Variants in CACNA2D1 observed in about 807,000 individuals in gnomAD.
The protein encoded by CACNA2D1 is voltage-dependent calcium channel subunit alpha-2/delta-1.
CACNA2D1 carries 53 observed loss-of-function variants against 171.5 expected under a neutral mutation model. That is an observed-to-expected ratio of 0.31 (90% CI 0.25 to 0.39). The LOEUF (loss-of-function observed/expected upper bound fraction) is 0.39. Among genes scored for constraint, CACNA2D1 ranks in the 10% least tolerant of loss-of-function variants. The pLI is 1.00. For missense variants in CACNA2D1, 903 were observed against 1,299.8 expected (o/e 0.69, Z 4.69); for synonymous variants, 442 against 443.1 (o/e 1.00, Z 0.03).
Position 82,339,401 on chromosome 7 carries a change from A to T in CACNA2D1, c.178-4150T>A, listed in dbSNP as rs188828013. The stretch of plus-strand genomic sequence containing the variant: ...AAATTGTCTTGGACAAGCAATCAAG[A>T]TTTCTGCCATATCCACAGCCATCTT... On this transcript the variant is annotated intron_variant, in intron 2 of 38. Transcript: ENST00000356860. Among the ~76,000 whole-genome samples, 92 of 152,278 alleles carry T rather than the reference A, an allele frequency of 6.0e-4. 1 individual carries two copies. The South Asian group carries it at 8.1e-3, about 13-fold the overall frequency.
intron 1 of CACNA2D1, among the ~76,000 whole-genome samples, chr7:82,431,680 C>T (rs1049225622): frequency 6.6e-6 from 1 of 152,038 alleles, no homozygotes; most frequent in Non-Finnish European, 1.5e-5. Flanking sequence ...AACTTGTTCC[C>T]GCATTTACAA....
intron 3 of CACNA2D1, among the ~76,000 whole-genome samples, chr7:82,202,032 A>T (rs1490382070): frequency 2.0e-5 from 3 of 152,188 alleles, no homozygotes; most frequent in African/African-American, 7.2e-5. Flanking sequence ...TGAGGCAGAC[A>T]TCTGATCCAG....
intron 3 of CACNA2D1, among the ~76,000 whole-genome samples, chr7:82,274,788 G>T (rs1340076208): frequency 6.6e-6 from 1 of 151,994 alleles, no homozygotes; most frequent in Non-Finnish European, 1.5e-5. Context: ...GTTGGTTCTA[G>T]CTCCTAAATC....
chr7:81,954,006 A>G (rs996942510), intron 38 of CACNA2D1, among the ~76,000 whole-genome samples: 2 of 152,130 alleles, frequency 1.3e-5, no homozygotes, highest in Non-Finnish European at 2.9e-5. Context: ...GTTCACACTG[A>G]AAAATGTGTC....
intron 12 of CACNA2D1, among the ~76,000 whole-genome samples, chr7:82,027,395 T>G (rs940480285): frequency 6.6e-6 from 1 of 151,852 alleles, no homozygotes; most frequent in East Asian, 1.9e-4. Flanking sequence ...GGGACAGCAA[T>G]GTTTCCAGAA....
At position 81,995,036 on chromosome 7, in the gene CACNA2D1, T is replaced by C. The variant is rs1797898014; in HGVS notation, c.1663-97A>G. On this transcript the variant is annotated intron_variant, in intron 19 of 38. Coordinates refer to ENST00000356860, the MANE Select transcript of CACNA2D1 (RefSeq NM_000722.4). ...GTAGTTTTTCAAGTTCTTTACCTTA[T>C]TTAGAACAAATAAAATAAAAATAGG... 4 of 672,134 alleles carry C rather than the reference T, an allele frequency of 6.0e-6. No individual in the cohort carries two copies. The South Asian group carries it at 7.3e-5, about 12-fold the overall frequency. 41.6% of individuals were successfully genotyped at this position (672,134 alleles called of 1,614,324 possible).
At chr7:81,968,295 T>C (rs1029474364) in intron 29 of CACNA2D1, among the ~76,000 whole-genome samples, 4 of 151,420 alleles carry the variant, frequency 2.6e-5, no homozygotes, top group South Asian at 2.1e-4. Flanking sequence ...TTTTACTTTA[T>C]TGTATTCACT....
intron 3 of CACNA2D1, among the ~76,000 whole-genome samples, chr7:82,307,498 T>C (rs1813890031): frequency 6.7e-6 from 1 of 150,246 alleles, no homozygotes; most frequent in Non-Finnish European, 1.5e-5. Flanking sequence ...AATTTATAAA[T>C]TTATAATTCT....
intron 6 of CACNA2D1, among the ~76,000 whole-genome samples, chr7:82,096,882 T>G (rs1168064186): frequency 6.6e-6 from 1 of 152,060 alleles, no homozygotes; most frequent in Non-Finnish European, 1.5e-5. Flanking sequence ...AAATAAGTTG[T>G]GATCACTATT....
chr7:82,443,782 C>A, upstream of CACNA2D1: 1 of 1,022,572 alleles, frequency 9.8e-7, no homozygotes, highest in South Asian at 4.9e-5. Context: ...CTCGCTCTCC[C>A]TCTCGGTTTC....
intron 3 of CACNA2D1, among the ~76,000 whole-genome samples, chr7:82,252,152 T>C (rs867849096): frequency 5.3e-5 from 8 of 152,186 alleles, no homozygotes; most frequent in South Asian, 2.1e-4. Flanking sequence ...AGGGGCAAAA[T>C]AGAAACTAAA....
chr7:82,412,256 G>A (rs1466898099), intron 1 of CACNA2D1, among the ~76,000 whole-genome samples: 1 of 147,264 alleles, frequency 6.8e-6, no homozygotes, highest in Admixed American at 6.8e-5. Flanking sequence ...TTGTAACTGT[G>A]TTCAAAGCTA....
chr7:82,098,200 T>C (rs544190573), intron 6 of CACNA2D1, among the ~76,000 whole-genome samples: 1 of 152,174 alleles, frequency 6.6e-6, no homozygotes, highest in South Asian at 2.1e-4. Flanking sequence ...GGAAGCAATG[T>C]AGACCCAACT....
chr7:82,015,736 G>A (rs562175551), intron 12 of CACNA2D1, among the ~76,000 whole-genome samples: 5 of 152,190 alleles, frequency 3.3e-5, no homozygotes, highest in Admixed American at 6.5e-5. Flanking sequence ...CTATTTGAAT[G>A]GACATTTTCT....
At chr7:82,090,769 A>G (rs1811059934) in intron 6 of CACNA2D1, among the ~76,000 whole-genome samples, 2 of 152,166 alleles carry the variant, frequency 1.3e-5, no homozygotes, top group South Asian at 4.1e-4. Context: ...TACCTCCTCC[A>G]CACCTTTAAT....
chr7:82,297,902 T>C (rs1387462571), intron 3 of CACNA2D1, among the ~76,000 whole-genome samples: 3 of 152,130 alleles, frequency 2.0e-5, no homozygotes, highest in African/African-American at 7.2e-5. Context: ...GTAATACGGA[T>C]ATATAAGAAG....
chr7:81,976,019 T>TGAACAAGG (rs1384535031), intron 24 of CACNA2D1, among the ~76,000 whole-genome samples: 4 of 151,868 alleles, frequency 2.6e-5, no homozygotes, highest in African/African-American at 9.7e-5. Flanking sequence ...GAAAGCACCT[T>TGAACAAGG]GTTCACTTCC....
At chr7:82,408,391 A>C (rs1313224745) in intron 1 of CACNA2D1, among the ~76,000 whole-genome samples, 1 of 152,122 alleles carries the variant, frequency 6.6e-6, no homozygotes, top group Non-Finnish European at 1.5e-5. Flanking sequence ...AGTGAGAAGA[A>C]CAATGCTTTT....
intron 4 of CACNA2D1, among the ~76,000 whole-genome samples, chr7:82,158,646 T>A (rs1200217395): frequency 6.6e-6 from 1 of 151,918 alleles, no homozygotes. Flanking sequence ...TTCAATTAAG[T>A]ATCAAAATAA....
Sources: allele counts gnomAD v4.1 joint callset (sites outside exome capture counted in the v4.1 genomes callset), GRCh38; gene constraint gnomAD v4.1.1; transcripts MANE v1.5; gene names NCBI Gene and HGNC (gene_info 2026-07-23, HGNC 2026-07-21).